Variants in LRRC8C observed in about 807,000 individuals in gnomAD.
LRRC8C encodes the protein leucine rich repeat containing 8 VRAC subunit C.
Under a neutral mutation model 55.3 loss-of-function variants are expected in LRRC8C, and 20 were observed. The ratio of observed to expected loss-of-function variants is 0.36; its 90% CI spans 0.25 to 0.53. The LOEUF is 0.53. Ranked by LOEUF, LRRC8C falls within the 20% of genes least tolerant of loss-of-function variation. LRRC8C has a pLI of 0.92. For missense variants in LRRC8C, 659 were observed against 951.4 expected (o/e 0.69, Z 4.04); for synonymous variants, 376 against 360.7 (o/e 1.04, Z -0.48).
intron 2 of LRRC8C, among the ~76,000 whole-genome samples, chr1:89,687,334 C>T (rs1349830152): frequency 1.3e-5 from 2 of 152,152 alleles, no homozygotes; most frequent in African/African-American, 2.4e-5. Context: ...TGAATTAAAA[C>T]TTGGAGAACC....
chr1:89,647,567 G>C (rs1325379022), intron 1 of LRRC8C, among the ~76,000 whole-genome samples: 1 of 152,108 alleles, frequency 6.6e-6, no homozygotes, highest in Admixed American at 6.5e-5. Flanking sequence ...GAACACATTT[G>C]GGTTGGGTGA....
chr1:89,619,492 TTATATG>T, the LRRC8C span, among the ~76,000 whole-genome samples: 1 of 149,784 alleles, frequency 6.7e-6, no homozygotes, highest in African/African-American at 2.4e-5. Context: ...AAATACATAA[TTATATG>T]TATATTATAT....
At chr1:89,645,274 A>C (rs1463794571) in intron 1 of LRRC8C, among the ~76,000 whole-genome samples, 1 of 152,212 alleles carries the variant, frequency 6.6e-6, no homozygotes, top group Non-Finnish European at 1.5e-5. Flanking sequence ...GAGGTAGCAA[A>C]GTAAAGAGTA....
rs1658881151 is a variant in LRRC8C at position 89,718,288 on chromosome 1, T to C, written c.*3306T>C. ...TAGGTACTGCTTTTTCAGAAAGACC[T>C]GGAAAACATACCTGCTATGAATATT... On this transcript the variant is annotated 3_prime_UTR_variant, in exon 3 of 3. Coordinates refer to ENST00000370454, the MANE Select transcript of LRRC8C (RefSeq NM_032270.5). 1 of 152,146 alleles carries C rather than the reference T, an allele frequency of 6.6e-6. No homozygotes were observed. Among genetic ancestry groups the C allele is most frequent in the South Asian group, 2.1e-4 (1 of 4,832 alleles). 9.4% of individuals were successfully genotyped at this position (152,146 alleles called of 1,614,324 possible).
rs1398338849 is a variant in LRRC8C, at chr1:89,719,533, A to G, written c.*4551A>G. On this transcript the variant is annotated 3_prime_UTR_variant, in exon 3 of 3. Coordinates refer to ENST00000370454, the MANE Select transcript of LRRC8C (RefSeq NM_032270.5). ...AATAAAGTCATTTTTATAACTTAAA[A>G]TAGATATTTGTCCCTCTCTTACTCA... The G allele has an allele frequency of 2.0e-5, 3 of 152,180 alleles. No individual in the cohort carries two copies. The highest frequency in any genetic ancestry group is 3.8e-4 in the East Asian group (2 of 5,196). The allele number at this position is 152,180 out of a possible 1,614,324, so 9.4% of individuals were successfully genotyped here.
At chr1:89,673,611 A>G (rs1321819279) in intron 1 of LRRC8C, among the ~76,000 whole-genome samples, 3 of 152,216 alleles carry the variant, frequency 2.0e-5, no homozygotes, top group African/African-American at 7.2e-5. Flanking sequence ...TAAATCCAAG[A>G]TATTACACTT....
At chr1:89,665,792 C>G (rs976142536) in intron 1 of LRRC8C, among the ~76,000 whole-genome samples, 2 of 152,156 alleles carry the variant, frequency 1.3e-5, no homozygotes, top group Admixed American at 6.5e-5. Flanking sequence ...CTCACATTCA[C>G]TCATCACTCA....
chr1:89,640,588 A>G (rs1379432451), intron 1 of LRRC8C, among the ~76,000 whole-genome samples: 1 of 152,224 alleles, frequency 6.6e-6, no homozygotes, highest in African/African-American at 2.4e-5. Flanking sequence ...ATCTCTTGAT[A>G]TTAGCAAGGT....
chr1:89,711,015 A>G (rs918186930), intron 2 of LRRC8C, among the ~76,000 whole-genome samples: 2 of 152,248 alleles, frequency 1.3e-5, no homozygotes, highest in Non-Finnish European at 2.9e-5. Flanking sequence ...AATAGAATTA[A>G]TGCCCATGAC....
chr1:89,675,751 T>A (rs992708314), intron 1 of LRRC8C, among the ~76,000 whole-genome samples: 2 of 152,158 alleles, frequency 1.3e-5, no homozygotes, highest in African/African-American at 4.8e-5. Flanking sequence ...CGATTGGGAT[T>A]GGGAGGAGGT....
intron 2 of LRRC8C, chr1:89,708,602 A>T (rs937219391): frequency 6.6e-6 from 1 of 151,256 alleles, no homozygotes; most frequent in Non-Finnish European, 1.5e-5. Context: ...GAAGAAGAAG[A>T]CAAAGAAGAA....
chr1:89,670,054 T>G (rs887717398), intron 1 of LRRC8C, among the ~76,000 whole-genome samples: 1 of 152,228 alleles, frequency 6.6e-6, no homozygotes, highest in Non-Finnish European at 1.5e-5. Flanking sequence ...TATATATCAC[T>G]GAAGAAAATC....
Position 89,719,512 on chromosome 1 carries a change from A to G in LRRC8C, c.*4530A>G, listed in dbSNP as rs983356158. 6.6e-6 allele frequency: 1 copy of G among 152,218 alleles called. No individual in the cohort carries two copies. Among genetic ancestry groups the G allele is most frequent in the African/African-American group, 2.4e-5 (1 of 41,456 alleles). The allele number at this position is 152,218 out of a possible 1,614,324, so 9.4% of individuals were successfully genotyped here. A position where few individuals can be genotyped will look rare whatever the true frequency, so the allele number is the denominator to read the frequency against. On this transcript the variant is annotated 3_prime_UTR_variant, in exon 3 of 3. Coordinates refer to ENST00000370454, the MANE Select transcript of LRRC8C (RefSeq NM_032270.5). ...TGTAGTACATAGAAACAGAAAAATA[A>G]AGTCATTTTTATAACTTAAAATAGA... is the stretch of plus-strand genomic sequence containing the variant.
At chr1:89,696,498 G>C (rs1203912702) in intron 2 of LRRC8C, among the ~76,000 whole-genome samples, 1 of 152,154 alleles carries the variant, frequency 6.6e-6, no homozygotes, top group Non-Finnish European at 1.5e-5. Flanking sequence ...GAAGAGAGAA[G>C]AGGGAGGAAG....
intron 1 of LRRC8C, among the ~76,000 whole-genome samples, chr1:89,678,300 A>G (rs975671268): frequency 2.6e-5 from 4 of 152,242 alleles, no homozygotes; most frequent in Non-Finnish European, 4.4e-5. Flanking sequence ...CATGCCAGGC[A>G]TTATTTTCTA....
At chr1:89,618,189 C>G in the LRRC8C span, among the ~76,000 whole-genome samples, 2 of 152,190 alleles carry the variant, frequency 1.3e-5, no homozygotes, top group Non-Finnish European at 2.9e-5. Context: ...TGGTAACCAG[C>G]CTCTGTCCTG....
chr1:89,666,485 T>G (rs918201787), intron 1 of LRRC8C, among the ~76,000 whole-genome samples: 2 of 152,134 alleles, frequency 1.3e-5, no homozygotes, highest in Admixed American at 6.5e-5. Flanking sequence ...ACTCCTCTCC[T>G]TTGTTCCTTC....
chr1:89,694,924 CTTTT>C (rs113354519), intron 2 of LRRC8C, among the ~76,000 whole-genome samples: 3 of 128,262 alleles, frequency 2.3e-5, no homozygotes, highest in Admixed American at 7.8e-5. Context: ...AGTATAAAGA[CTTTT>C]TTTTTTTTTT....
chr1:89,622,571 G>A, the LRRC8C span, among the ~76,000 whole-genome samples: 581 of 152,182 alleles, frequency 3.8e-3, no homozygotes, highest in Non-Finnish European at 6.7e-3. Context: ...CTGACCTTGC[G>A]ATCCGCCCGC....
Sources: gnomAD v4.1 joint callset for allele counts (sites outside exome capture counted in the v4.1 genomes callset) on GRCh38, gnomAD v4.1.1 for gene constraint, MANE v1.5 for transcripts, NCBI Gene and HGNC (gene_info 2026-07-23, HGNC 2026-07-21) for gene names.